Variants in EPS8 observed in about 807,000 individuals in gnomAD.
EPS8 encodes the protein epidermal growth factor receptor kinase substrate 8.
EPS8 carries 42 observed loss-of-function variants against 103.8 expected under a neutral mutation model. The ratio of observed to expected loss-of-function variants is 0.40; its 90% CI spans 0.32 to 0.52. The LOEUF is 0.52. EPS8 is among the 20% of genes least tolerant of loss of function. The pLI, the probability that EPS8 is intolerant of heterozygous loss-of-function variation, is 0.40. For synonymous variants in EPS8, 344 were observed against 344.6 expected (o/e 1.00, Z 0.02); for missense variants, 969 against 1,005.1 (o/e 0.96, Z 0.49).
At chr12:15,646,916 AT>A (rs1433200425) in intron 15 of EPS8, among the ~76,000 whole-genome samples, 1 of 152,234 alleles carries the variant, frequency 6.6e-6, no homozygotes, top group African/African-American at 2.4e-5. Context: ...ATCCAAAGGC[AT>A]TTGCACTAAA....
chr12:15,683,065 C>T, intron 1 of EPS8, 93 bp from the exon 2 acceptor site: 1 of 607,808 alleles, frequency 1.6e-6, no homozygotes, highest in Non-Finnish European at 2.8e-6. Context: ...TGTGTTGCTG[C>T]CAGGAATTAT....
intron 3 of EPS8, chr12:15,671,855 CAG>C (rs1312093037): frequency 6.6e-6 from 1 of 152,062 alleles, no homozygotes; most frequent in Non-Finnish European, 1.5e-5. Context: ...TTTGTAAATT[CAG>C]AGTTGCCCTA....
At chr12:15,723,106 T>G (rs934806397) in intron 1 of EPS8, among the ~76,000 whole-genome samples, 7 of 151,844 alleles carry the variant, frequency 4.6e-5, no homozygotes, top group Admixed American at 2.0e-4. Flanking sequence ...GATGCATCAC[T>G]TGAACCCAGC....
rs1945780812 is a variant in EPS8, at chr12:15,669,707, T to C, written c.323A>G (p.Gln108Arg). Residue 108 changes from glutamine (Q) to arginine (R), a missense_variant, in exon 5 of 21, where the codon CAA (glutamine) becomes CGA (arginine). By Grantham distance (43) the Gln-to-Arg change is conservative. Transcript: ENST00000281172. Reference sequence around the variant, plus strand: ...CAGGCTCACAGCTCTGTCATCCACTTGAAGAATCATATCTTGAGTCCACAC... The same window carrying C: ...CAGGCTCACAGCTCTGTCATCCACTCGAAGAATCATATCTTGAGTCCACAC... ...GKVWTQDMIL[Q>R]VDDRAVSLID... The C allele has an allele frequency of 6.2e-7, 1 of 1,613,152 alleles. No homozygotes were observed.
chr12:15,750,487 T>C (rs955696326), intron 1 of EPS8, among the ~76,000 whole-genome samples: 10 of 152,270 alleles, frequency 6.6e-5, no homozygotes, highest in Admixed American at 3.3e-4. Context: ...AATCATAGTG[T>C]TTGAAAAGTA....
chr12:15,734,433 A>G lies in EPS8; in HGVS notation c.-21-51461T>C, dbSNP rs964788603. On this transcript the variant is annotated intron_variant, in intron 1 of 20. Coordinates refer to ENST00000281172, the MANE Select transcript of EPS8 (RefSeq NM_004447.6). This position sits in a 1 kb window ranked among gnomAD's most constrained non-coding sequence, Gnocchi z 4.1. The stretch of plus-strand genomic sequence containing the variant: ...TCTGTGGTTGGGCACGGTGGCTCAC[A>G]CCTGTAATCCCAGCACTTTGGGAGG... Among the ~76,000 whole-genome samples the G allele has an allele frequency of 6.6e-6, 1 of 152,080 alleles. No homozygotes were observed. The highest frequency in any genetic ancestry group is 1.5e-5 in the Non-Finnish European group (1 of 68,000).
At chr12:15,773,144 T>C (rs1947171542) in intron 1 of EPS8, among the ~76,000 whole-genome samples, 1 of 152,114 alleles carries the variant, frequency 6.6e-6, no homozygotes, top group Non-Finnish European at 1.5e-5. Context: ...CTATGTTCCA[T>C]ATATGCAGAA....
intron 3 of EPS8, among the ~76,000 whole-genome samples, chr12:15,674,458 G>A (rs1565493598): frequency 6.6e-6 from 1 of 152,162 alleles, no homozygotes; most frequent in Non-Finnish European, 1.5e-5. Flanking sequence ...CTATTCCATA[G>A]GGGAGAGGTG....
intron 17 of EPS8, among the ~76,000 whole-genome samples, chr12:15,637,909 T>C (rs1945164303): frequency 6.6e-6 from 1 of 152,174 alleles, no homozygotes; most frequent in African/African-American, 2.4e-5. Context: ...GGCTTTCTAT[T>C]GTTCTTTTTA....
At chr12:15,638,970 T>C (rs7315251) in intron 17 of EPS8, among the ~76,000 whole-genome samples, 151,219 of 152,366 alleles carry the variant, frequency 0.99, 75,052 homozygotes, top group East Asian at 1. Context: ...GAATATCAGG[T>C]AGGAGAAAAT....
Position 15,731,356 on chromosome 12 carries a change from T to C in EPS8, c.-21-48384A>G, listed in dbSNP as rs1196959890. On this transcript the variant is annotated intron_variant, in intron 1 of 20. Coordinates refer to ENST00000281172, the MANE Select transcript of EPS8 (RefSeq NM_004447.6). This position sits in a 1 kb window ranked among gnomAD's most constrained non-coding sequence, Gnocchi z 5.1. ...CTGTGTTGCCCAGGCTGAAGTGCAA[T>C]GGCACAATCTCGGCTCACTGCAACC... Among the ~76,000 whole-genome samples the C allele has an allele frequency of 4.6e-5, 7 of 152,302 alleles. No homozygotes were observed. The highest frequency in any genetic ancestry group is 1.7e-4 in the African/African-American group (7 of 41,580).
intron 15 of EPS8, among the ~76,000 whole-genome samples, chr12:15,644,530 T>TA (rs960398488): frequency 2.6e-5 from 4 of 152,002 alleles, no homozygotes; most frequent in South Asian, 2.1e-4. Context: ...CCATCTCTAC[T>TA]AAAAAAACAT....
chr12:15,715,297 G>C (rs1036415706), intron 1 of EPS8, among the ~76,000 whole-genome samples: 7 of 151,504 alleles, frequency 4.6e-5, no homozygotes, highest in Non-Finnish European at 1.0e-4. Flanking sequence ...CTACATGGCA[G>C]CCCAACATCC....
intron 13 of EPS8, 75 bp from the exon 14 acceptor site, chr12:15,651,081 G>C: frequency 8.2e-7 from 1 of 1,218,592 alleles, no homozygotes; most frequent in Non-Finnish European, 1.2e-6. Flanking sequence ...CTTCAGTAAG[G>C]CTAGACATAC....
chr12:15,773,938 C>T (rs935872103), intron 1 of EPS8, among the ~76,000 whole-genome samples: 1 of 151,958 alleles, frequency 6.6e-6, no homozygotes, highest in Non-Finnish European at 1.5e-5. Flanking sequence ...CTTTAATAAA[C>T]ATAATCAATT....
rs1180126736 is a variant in EPS8 at position 15,688,634 on chromosome 12, T to C, written c.-21-5662A>G. 6.6e-6 allele frequency among the ~76,000 whole-genome samples: 1 copy of C among 152,080 alleles called. No individual in the cohort carries two copies. Among genetic ancestry groups the C allele is most frequent in the African/African-American group, 2.4e-5 (1 of 41,396 alleles). On this transcript the variant is annotated intron_variant, in intron 1 of 20. Transcript: ENST00000281172. This position sits in a 1 kb window ranked among gnomAD's most constrained non-coding sequence, Gnocchi z 5.1. ...CTAACCAGCAGAATGACGCGGAATTTGGAGTTTAGCAGGGGCAGCCGGACT... is the reference window on the plus strand; with the variant it reads ...CTAACCAGCAGAATGACGCGGAATTCGGAGTTTAGCAGGGGCAGCCGGACT...
chr12:15,658,412 T>C (rs1945545747), intron 11 of EPS8, 85 bp downstream of exon 11: 1 of 1,028,480 alleles, frequency 9.7e-7, no homozygotes, highest in Non-Finnish European at 1.5e-6. Flanking sequence ...CAATTTTATT[T>C]CTTAATTTAA....
Position 15,781,277 on chromosome 12 carries a change from A to C in EPS8, c.-22+7884T>G, listed in dbSNP as rs2136055026. Among the ~76,000 whole-genome samples, 1 of 152,332 alleles carries C rather than the reference A, an allele frequency of 6.6e-6. No individual in the cohort carries two copies. Among genetic ancestry groups the C allele is most frequent in the East Asian group, 1.9e-4 (1 of 5,186 alleles). On this transcript the variant is annotated intron_variant, in intron 1 of 20. Coordinates refer to ENST00000281172, the MANE Select transcript of EPS8 (RefSeq NM_004447.6). This position sits in a 1 kb window ranked among gnomAD's most constrained non-coding sequence, Gnocchi z 4.1. ...GCTATTCTTGTTTGGCACAGTAGTAATTTGAGCAAGTATATAGCACAGTAT... is the reference window on the plus strand; with the variant it reads ...GCTATTCTTGTTTGGCACAGTAGTACTTTGAGCAAGTATATAGCACAGTAT...
chr12:15,699,093 C>G lies in EPS8; in HGVS notation c.-21-16121G>C, dbSNP rs529030485. On this transcript the variant is annotated intron_variant, in intron 1 of 20. Transcript: ENST00000281172. ...CTGCAAACCTTACAGAAAACTGCTC[C>G]CCAAGAGGAGGAGAGCAAGCTTACC... 1.3e-3 allele frequency among the ~76,000 whole-genome samples: 203 copies of G among 152,274 alleles called. 8 individuals carry two copies. The South Asian group carries it at 0.041, about 31-fold the overall frequency.
Sources: gnomAD v4.1 joint callset for allele counts (sites outside exome capture counted in the v4.1 genomes callset) on GRCh38, gnomAD v4.1.1 for gene constraint, Gnocchi (gnomAD v3.1) non-coding constraint, MANE v1.5 for transcripts, NCBI Gene and HGNC (gene_info 2026-07-23, HGNC 2026-07-21) for gene names.